Variants in CDH10 observed in about 807,000 individuals in gnomAD.
The protein encoded by CDH10 is cadherin 10.
CDH10 carries 30 observed loss-of-function variants against 73.1 expected under a neutral mutation model. The observed-to-expected ratio is 0.41, with a 90% CI of 0.31 to 0.56. CDH10 has a LOEUF of 0.56. Among genes scored for constraint, CDH10 ranks in the 20% least tolerant of loss-of-function variants. The pLI is 0.27. For synonymous variants in CDH10, 345 were observed against 348.2 expected (o/e 0.99, Z 0.10); for missense variants, 815 against 973.7 (o/e 0.84, Z 2.17).
intron 2 of CDH10, among the ~76,000 whole-genome samples, chr5:24,577,958 T>G (rs76271591): frequency 0.037 from 5,620 of 152,258 alleles, 248 homozygotes; most frequent in African/African-American, 0.095. Flanking sequence ...ACCCATACTG[T>G]CACCATTCTT....
chr5:24,600,938 T>C (rs1746539597), intron 1 of CDH10, among the ~76,000 whole-genome samples: 1 of 152,070 alleles, frequency 6.6e-6, no homozygotes, highest in South Asian at 2.1e-4. Flanking sequence ...TAGACAGTGT[T>C]GGGTTATGTC....
chr5:24,559,683 A>C (rs1744887003), intron 2 of CDH10, among the ~76,000 whole-genome samples: 1 of 152,050 alleles, frequency 6.6e-6, no homozygotes, highest in Admixed American at 6.6e-5. Context: ...AGGTGACAAC[A>C]ATAATTCATA....
At chr5:24,571,665 C>T (rs1745385032) in intron 2 of CDH10, among the ~76,000 whole-genome samples, 1 of 151,922 alleles carries the variant, frequency 6.6e-6, no homozygotes, top group African/African-American at 2.4e-5. Flanking sequence ...ATAAGGTAGT[C>T]CATACATTAT....
At chr5:24,576,060 C>A (rs188499262) in intron 2 of CDH10, among the ~76,000 whole-genome samples, 4 of 152,044 alleles carry the variant, frequency 2.6e-5, no homozygotes, top group African/African-American at 7.3e-5. Context: ...TCCTACAAAC[C>A]TGCCAATAAC....
intron 11 of CDH10, among the ~76,000 whole-genome samples, chr5:24,491,025 T>C (rs528392171): frequency 6.6e-6 from 1 of 152,304 alleles, no homozygotes; most frequent in African/African-American, 2.4e-5. Flanking sequence ...GATTCCCGTA[T>C]GGAGGATGTT....
At chr5:24,628,983 C>T (rs939514685) in intron 1 of CDH10, among the ~76,000 whole-genome samples, 8 of 152,080 alleles carry the variant, frequency 5.3e-5, no homozygotes, top group South Asian at 2.1e-4. Flanking sequence ...TAATTATATG[C>T]CACCAAGTAC....
rs201448259 is a variant in CDH10 at position 24,625,574 on chromosome 5, C to T, written c.-124+19020G>A. The stretch of plus-strand genomic sequence containing the variant: ...ATATATATATATATTCATATATATA[C>T]ATATATTCATATATATGAATATATA... On this transcript the variant is annotated intron_variant, in intron 1 of 11. Transcript: ENST00000264463. Among the ~76,000 whole-genome samples, 40 of 17,840 alleles carry T rather than the reference C, an allele frequency of 2.2e-3. 1 individual carries two copies. The highest frequency in any genetic ancestry group is 0.016 in the East Asian group (2 of 126). 11.7% of individuals were successfully genotyped at this position (17,840 alleles called of 152,430 possible). A position where few individuals can be genotyped will look rare whatever the true frequency, so the allele number is the denominator to read the frequency against.
intron 2 of CDH10, among the ~76,000 whole-genome samples, chr5:24,557,608 G>C (rs1336924975): frequency 6.6e-6 from 1 of 151,472 alleles, no homozygotes; most frequent in East Asian, 1.9e-4. Context: ...CTTGTCAAAG[G>C]AAAAGAAAAT....
In CDH10 at chr5:24,488,132, G is replaced by C. The variant is rs764161207; in HGVS notation, c.1898C>G (p.Ala633Gly). The C allele has an allele frequency of 6.2e-7, 1 of 1,610,938 alleles. No individual in the cohort carries two copies. Among genetic ancestry groups the C allele is most frequent in the Non-Finnish European group, 8.5e-7 (1 of 1,178,618 alleles). ...ILLVIVVLFA[A>G]LKRQRKKEPL... ...CTCTTTTTTTCGCTGTCTTTTCAGAGCTGCAAACAGTACTACTATAACTTG... is the reference window on the plus strand; with the variant it reads ...CTCTTTTTTTCGCTGTCTTTTCAGACCTGCAAACAGTACTACTATAACTTG... Residue 633 changes from alanine to glycine, a missense_variant, in exon 12 of 12, where the codon GCT becomes GGT. By Grantham distance (60) the Ala-to-Gly change is moderately conservative. Transcript: ENST00000264463.
Position 24,571,638 on chromosome 5 carries a change from C to T in CDH10, c.231+21622G>A, listed in dbSNP as rs771616020. On this transcript the variant is annotated intron_variant, in intron 2 of 11. Transcript: ENST00000264463. ...AGATTTACTAAGCATTTATAATATG[C>T]TAGACAGAAAACCTACATAAGGTAG... Among the ~76,000 whole-genome samples the T allele has an allele frequency of 8.5e-5, 13 of 152,060 alleles. No homozygotes were observed. The Middle Eastern group carries it at 0.01, about 119-fold the overall frequency.
intron 3 of CDH10, among the ~76,000 whole-genome samples, 192 bp downstream of exon 3, chr5:24,537,188 C>G (rs1001404847): frequency 1.3e-5 from 2 of 151,612 alleles, no homozygotes; most frequent in African/African-American, 2.4e-5. Flanking sequence ...TAAAGATTCA[C>G]AAATCTGTAG....
chr5:24,535,504 T>C (rs1438434303), intron 4 of CDH10, among the ~76,000 whole-genome samples, 199 bp downstream of exon 4: 1 of 152,130 alleles, frequency 6.6e-6, no homozygotes, highest in Non-Finnish European at 1.5e-5. Context: ...CCTATGCTTA[T>C]ATGTTCAAAT....
intron 2 of CDH10, among the ~76,000 whole-genome samples, chr5:24,548,944 G>A (rs7719202): frequency 0.89 from 135,250 of 152,080 alleles, 60,875 homozygotes; most frequent in Non-Finnish European, 0.96. Flanking sequence ...ATGTATTTAA[G>A]AATATAAAAC....
At chr5:24,585,445 G>A (rs1298904062) in intron 2 of CDH10, among the ~76,000 whole-genome samples, 1 of 151,894 alleles carries the variant, frequency 6.6e-6, no homozygotes, top group African/African-American at 2.4e-5. Context: ...CAACAACAAC[G>A]GAGTTTAGCT....
chr5:24,576,303 T>C (rs1745596450), intron 2 of CDH10, among the ~76,000 whole-genome samples: 1 of 152,160 alleles, frequency 6.6e-6, no homozygotes, highest in Non-Finnish European at 1.5e-5. Flanking sequence ...TCATAATACT[T>C]TATATCACCT....
intron 2 of CDH10, among the ~76,000 whole-genome samples, chr5:24,572,866 G>A (rs1411054500): frequency 7.4e-6 from 1 of 135,178 alleles, no homozygotes; most frequent in South Asian, 2.5e-4. Flanking sequence ...AAAAAACTGG[G>A]ACAGAAAAGC....
In CDH10 at chr5:24,572,935, G is replaced by GAAA. The variant is rs55946839; in HGVS notation, c.231+20322_231+20324dup. Among the ~76,000 whole-genome samples, 252 of 72,116 alleles carry GAAA rather than the reference G, an allele frequency of 3.5e-3. 3 individuals carry two copies. Among genetic ancestry groups the GAAA allele is most frequent in the East Asian group, 5.2e-3 (12 of 2,314 alleles). The allele number at this position is 72,116 out of a possible 152,430, so 47.3% of individuals were successfully genotyped here. ...ATCTGTATAATTGTACTTAGAAAAAGAAAAAAAAAAAAAAAAAAAAAGGAG... is the reference window on the plus strand; with the variant it reads ...ATCTGTATAATTGTACTTAGAAAAAGAAAAAAAAAAAAAAAAAAAAAAAAGGAG... On this transcript the variant is annotated intron_variant, in intron 2 of 11. Coordinates refer to ENST00000264463, the MANE Select transcript of CDH10 (RefSeq NM_006727.5).
chr5:24,543,581 C>T (rs944515315), intron 2 of CDH10, among the ~76,000 whole-genome samples: 6 of 152,004 alleles, frequency 3.9e-5, no homozygotes, highest in Non-Finnish European at 7.4e-5. Context: ...GTGGCAAATA[C>T]GCCATCCTCT....
At chr5:24,515,319 T>C (rs1020085214) in intron 5 of CDH10, among the ~76,000 whole-genome samples, 1 of 152,142 alleles carries the variant, frequency 6.6e-6, no homozygotes, top group Non-Finnish European at 1.5e-5. Context: ...GGAATATTTA[T>C]GGAAAAGAAA....
Sources: allele counts gnomAD v4.1 joint callset (sites outside exome capture counted in the v4.1 genomes callset), GRCh38; gene constraint gnomAD v4.1.1; transcripts MANE v1.5; gene names NCBI Gene and HGNC (gene_info 2026-07-23, HGNC 2026-07-21).